The following KCNH8 variants were observed in gnomAD, a reference collection of about 807,000 sequenced individuals.
KCNH8 encodes the protein voltage-gated delayed rectifier potassium channel KCNH8.
KCNH8 carries 70 observed loss-of-function variants against 103.6 expected under a neutral mutation model. The observed-to-expected ratio is 0.68, with a 90% CI of 0.56 to 0.82. The LOEUF is 0.82. Ranked by LOEUF, KCNH8 falls within the 40% of genes least tolerant of loss-of-function variation. KCNH8 has a pLI of 0.00. For missense variants in KCNH8, 1,217 were observed against 1,329.9 expected (o/e 0.92, Z 1.32); for synonymous variants, 498 against 489.4 (o/e 1.02, Z -0.23).
chr3:19,190,550 C>T (rs79597042), intron 1 of KCNH8, among the ~76,000 whole-genome samples: 9,559 of 151,942 alleles, frequency 0.063, 1,062 homozygotes, highest in African/African-American at 0.22. Flanking sequence ...GCTGCTTTGA[C>T]GGAATATTTT....
At chr3:19,408,089 G>C (rs1450302052) in intron 7 of KCNH8, among the ~76,000 whole-genome samples, 1 of 152,118 alleles carries the variant, frequency 6.6e-6, no homozygotes, top group Admixed American at 6.6e-5. Context: ...GCAACAGGGA[G>C]CTTCTGCCAG....
chr3:19,332,589 C>A (rs2065525817), intron 3 of KCNH8, among the ~76,000 whole-genome samples: 1 of 152,046 alleles, frequency 6.6e-6, no homozygotes, highest in Non-Finnish European at 1.5e-5. Flanking sequence ...CTTTTTTCTT[C>A]AAGAAATTCC....
intron 2 of KCNH8, among the ~76,000 whole-genome samples, chr3:19,280,867 G>C (rs890964451): frequency 1.3e-5 from 2 of 152,008 alleles, no homozygotes; most frequent in African/African-American, 4.8e-5. Context: ...GGGTGGGAAG[G>C]GGCAATCTCT....
intron 15 of KCNH8, among the ~76,000 whole-genome samples, chr3:19,528,937 G>A (rs999002914): frequency 6.6e-6 from 1 of 152,084 alleles, no homozygotes; most frequent in African/African-American, 2.4e-5. Flanking sequence ...CTATGTGAGT[G>A]TCAATAAGCC....
chr3:19,351,453 A>G (rs1478401094), intron 5 of KCNH8, among the ~76,000 whole-genome samples: 2 of 90,436 alleles, frequency 2.2e-5, no homozygotes, highest in Non-Finnish European at 4.9e-5. Flanking sequence ...CAAAGTTGAA[A>G]TGAAGGAAAA....
At chr3:19,248,115 A>T (rs1420614958) in intron 1 of KCNH8, among the ~76,000 whole-genome samples, 1 of 152,206 alleles carries the variant, frequency 6.6e-6, no homozygotes, top group Non-Finnish European at 1.5e-5. Context: ...GTATAATGAA[A>T]AATTCTGATG....
chr3:19,513,595 G>A (rs1459270334), intron 13 of KCNH8, among the ~76,000 whole-genome samples: 1 of 152,086 alleles, frequency 6.6e-6, no homozygotes, highest in Non-Finnish European at 1.5e-5. Context: ...TATGTTAAAT[G>A]TATATTCCTA....
intron 11 of KCNH8, among the ~76,000 whole-genome samples, chr3:19,500,008 A>T (rs1027691462): frequency 2.6e-5 from 4 of 152,214 alleles, no homozygotes; most frequent in Admixed American, 2.0e-4. Flanking sequence ...TTGGATGAAG[A>T]GTCAAGACCC....
At chr3:19,416,177 G>T (rs571688388) in intron 7 of KCNH8, among the ~76,000 whole-genome samples, 1 of 152,120 alleles carries the variant, frequency 6.6e-6, no homozygotes, top group South Asian at 2.1e-4. Context: ...TGGTTTACAT[G>T]ATACTGATTT....
At chr3:19,407,097 GAT>G (rs1359191495) in intron 7 of KCNH8, among the ~76,000 whole-genome samples, 2 of 152,044 alleles carry the variant, frequency 1.3e-5, no homozygotes, top group Non-Finnish European at 2.9e-5. Context: ...AGTCTGACCT[GAT>G]ATATGTCTTT....
intron 1 of KCNH8, among the ~76,000 whole-genome samples, chr3:19,161,949 C>T (rs1050989737): frequency 2.6e-5 from 4 of 151,654 alleles, no homozygotes; most frequent in Non-Finnish European, 4.4e-5. Flanking sequence ...CATGATACTA[C>T]GTGGTTTCTT....
chr3:19,374,324 T>A (rs2066154845), intron 5 of KCNH8, among the ~76,000 whole-genome samples: 1 of 151,744 alleles, frequency 6.6e-6, no homozygotes, highest in Admixed American at 6.6e-5. Context: ...TTAGGATAGT[T>A]AGCTCTTCTT....
chr3:19,507,099 A>T (rs2068707411), intron 11 of KCNH8, among the ~76,000 whole-genome samples: 1 of 152,100 alleles, frequency 6.6e-6, no homozygotes, highest in Non-Finnish European at 1.5e-5. Context: ...AGACAAACGC[A>T]CTGCTGGCCT....
intron 7 of KCNH8, among the ~76,000 whole-genome samples, chr3:19,422,654 A>T (rs1165212620): frequency 6.6e-6 from 1 of 152,090 alleles, no homozygotes; most frequent in Non-Finnish European, 1.5e-5. Flanking sequence ...TGGTATTTAC[A>T]ATTTAGAAAG....
intron 7 of KCNH8, among the ~76,000 whole-genome samples, chr3:19,415,809 G>C (rs1329083849): frequency 6.6e-6 from 1 of 152,014 alleles, no homozygotes; most frequent in East Asian, 1.9e-4. Flanking sequence ...CCAATTTATT[G>C]TTTGGTAGTT....
At chr3:19,265,253 C>T (rs1002471333) in intron 2 of KCNH8, among the ~76,000 whole-genome samples, 3 of 151,974 alleles carry the variant, frequency 2.0e-5, no homozygotes, top group African/African-American at 7.2e-5. Context: ...TATGAAGGGC[C>T]AAATGAGATA....
At chr3:19,199,713 C>A (rs1202022440) in intron 1 of KCNH8, among the ~76,000 whole-genome samples, 4 of 150,126 alleles carry the variant, frequency 2.7e-5, no homozygotes, top group African/African-American at 1.0e-4. Context: ...AGCTCTTATC[C>A]TTATAAACAA....
At chr3:19,173,391 TTGAG>T (rs1406366419) in intron 1 of KCNH8, among the ~76,000 whole-genome samples, 2 of 152,180 alleles carry the variant, frequency 1.3e-5, no homozygotes, top group African/African-American at 4.8e-5. Context: ...CAAATATTTA[TTGAG>T]TATCTGCTAT....
chr3:19,257,149 T>C (rs1479615762), intron 2 of KCNH8, among the ~76,000 whole-genome samples: 3 of 152,034 alleles, frequency 2.0e-5, no homozygotes, highest in Non-Finnish European at 4.4e-5. Context: ...AGTGTCCTCC[T>C]TCCTTTCTTC....
Sources: gnomAD v4.1 joint callset for allele counts (sites outside exome capture counted in the v4.1 genomes callset) on GRCh38, gnomAD v4.1.1 for gene constraint, MANE v1.5 for transcripts, NCBI Gene and HGNC (gene_info 2026-07-23, HGNC 2026-07-21) for gene names.